Variants in TFEC observed in about 807,000 individuals in gnomAD.
TFEC encodes class E basic helix-loop-helix protein 34.
A neutral mutation model predicts 41.6 loss-of-function variants in TFEC; 31 were observed. The observed-to-expected ratio is 0.74, with a 90% CI of 0.56 to 1.01. TFEC has a LOEUF of 1.01. Among genes scored for constraint, TFEC ranks in the 50% least tolerant of loss-of-function variants. The probability of loss-of-function intolerance (pLI) is 0.00; values close to 1 mark genes in which losing one functional copy is unlikely to be tolerated. For synonymous variants in TFEC, 143 were observed against 140.6 expected, an observed-to-expected ratio of 1.02 and a Z score of -0.12; for missense variants, 402 against 404.1, an observed-to-expected ratio of 0.99 and a Z score of 0.04.
intron 3 of TFEC, among the ~76,000 whole-genome samples, chr7:116,054,634 T>G (rs1001530859): frequency 6.6e-6 from 1 of 152,140 alleles, no homozygotes; most frequent in African/African-American, 2.4e-5. Flanking sequence ...CCAGATACAT[T>G]TGAATTTCAG....
intron 1 of TFEC, among the ~76,000 whole-genome samples, chr7:116,125,820 C>T (rs1798197809): frequency 6.6e-6 from 1 of 152,156 alleles, no homozygotes; most frequent in African/African-American, 2.4e-5. Context: ...CTTGAAGTGC[C>T]TTTCAGAAGA....
chr7:115,977,701 T>A (rs1403060958), intron 2 of TFEC, among the ~76,000 whole-genome samples: 1 of 152,028 alleles, frequency 6.6e-6, no homozygotes, highest in Non-Finnish European at 1.5e-5. Flanking sequence ...TCTAGATATA[T>A]GTAGAGAGAG....
intron 1 of TFEC, among the ~76,000 whole-genome samples, chr7:116,148,828 G>C (rs1041423989): frequency 6.6e-6 from 1 of 151,792 alleles, no homozygotes; most frequent in South Asian, 2.1e-4. Flanking sequence ...GTAAATCTGC[G>C]AGTCATTCAC....
chr7:116,025,578 A>G (rs890005015), intron 1 of TFEC, among the ~76,000 whole-genome samples: 4 of 152,140 alleles, frequency 2.6e-5, no homozygotes, highest in Non-Finnish European at 4.4e-5. Flanking sequence ...TCAATGTGAA[A>G]TCTTCAGGAA....
rs184443280 is a variant in TFEC at position 116,138,424 on chromosome 7, T to C, written c.-69+21366A>G. On this transcript the variant is annotated intron_variant, in intron 1 of 8. Coordinates refer to the TFEC transcript ENST00000484212. ...ACGTCACACAGAAGCTCTGATCTCA[T>C]ATAGGCCCTTGTTAGGGAGAATCTG... Among the ~76,000 whole-genome samples, 12 of 152,304 alleles carry C rather than the reference T, an allele frequency of 7.9e-5. No individual in the cohort carries two copies. The East Asian group carries it at 2.1e-3, about 27-fold the overall frequency.
At chr7:115,947,772 T>TA (rs1334099776) in intron 6 of TFEC, among the ~76,000 whole-genome samples, 1 of 3,352 alleles carries the variant, frequency 3.0e-4, no homozygotes, top group Non-Finnish European at 1.1e-3. Context: ...GGGTTGTTTG[T>TA]TTTTTCTTGT....
chr7:115,987,186 T>A (rs1279348802), intron 1 of TFEC, among the ~76,000 whole-genome samples: 8 of 152,174 alleles, frequency 5.3e-5, no homozygotes, highest in African/African-American at 1.9e-4. Flanking sequence ...TTGGAAGCTA[T>A]CTGTACAACA....
chr7:116,105,167 T>A lies in TFEC; in HGVS notation c.198+5541A>T, dbSNP rs1002812518. Among the ~76,000 whole-genome samples, 3 of 152,192 alleles carry A rather than the reference T, an allele frequency of 2.0e-5. No homozygotes were observed. The East Asian group carries it at 5.8e-4, about 29-fold the overall frequency. ...GTTTCTAGAAGACCAAGAAATCATA[T>A]GTTTTCTCCAAAAAAAATTATAGAA... On this transcript the variant is annotated intron_variant, in intron 3 of 8. Transcript: ENST00000484212.
chr7:116,157,848 C>T (rs1245879393), intron 1 of TFEC, among the ~76,000 whole-genome samples: 2 of 152,126 alleles, frequency 1.3e-5, no homozygotes, highest in African/African-American at 4.8e-5. Context: ...TTCACTTGCA[C>T]ATCTGCTGTC....
intron 3 of TFEC, among the ~76,000 whole-genome samples, chr7:116,069,235 A>G (rs1796768691): frequency 6.6e-6 from 1 of 151,672 alleles, no homozygotes; most frequent in Non-Finnish European, 1.5e-5. Flanking sequence ...GGAGACATAA[A>G]CAATATGATG....
chr7:115,963,851 T>C (rs906051314), intron 3 of TFEC, among the ~76,000 whole-genome samples: 6 of 151,682 alleles, frequency 4.0e-5, no homozygotes, highest in Non-Finnish European at 8.9e-5. Flanking sequence ...GTGATGGTTA[T>C]ACATTATGAA....
At chr7:116,002,619 G>C (rs1391074070) in intron 1 of TFEC, among the ~76,000 whole-genome samples, 1 of 151,828 alleles carries the variant, frequency 6.6e-6, no homozygotes, top group Non-Finnish European at 1.5e-5. Context: ...GGCACAACAG[G>C]GTGACTATGG....
At chr7:116,060,209 C>CA (rs1209827670) in intron 3 of TFEC, among the ~76,000 whole-genome samples, 26 of 151,728 alleles carry the variant, frequency 1.7e-4, no homozygotes, top group Admixed American at 1.7e-3. Context: ...GTACTAAAGT[C>CA]AAAAAAATAA....
intron 3 of TFEC, among the ~76,000 whole-genome samples, chr7:115,972,757 A>G (rs535338646): frequency 9.2e-5 from 14 of 152,202 alleles, no homozygotes; most frequent in Non-Finnish European, 1.6e-4. Context: ...CATATTCCCA[A>G]TGAAATTCAT....
At chr7:116,115,431 C>T (rs1797966130) in intron 1 of TFEC, among the ~76,000 whole-genome samples, 1 of 151,912 alleles carries the variant, frequency 6.6e-6, no homozygotes, top group Non-Finnish European at 1.5e-5. Flanking sequence ...AATCCACTTT[C>T]CTGCTTTTTT....
chr7:116,033,093 C>T (rs959567034), upstream of TFEC, among the ~76,000 whole-genome samples: 2 of 150,704 alleles, frequency 1.3e-5, no homozygotes, highest in South Asian at 2.1e-4. Context: ...TAATTAATCA[C>T]GTGACAAAGA....
At chr7:115,995,184 C>G (rs1345715674) in intron 1 of TFEC, among the ~76,000 whole-genome samples, 1 of 109,896 alleles carries the variant, frequency 9.1e-6, no homozygotes. Context: ...ACATCACACA[C>G]TGGGGCCTGT....
At chr7:116,108,610 C>G (rs1584526476) in intron 3 of TFEC, among the ~76,000 whole-genome samples, 1 of 152,220 alleles carries the variant, frequency 6.6e-6, no homozygotes, top group African/African-American at 2.4e-5. Context: ...GAGCATGAGA[C>G]TTGGGTTCCA....
intron 1 of TFEC, among the ~76,000 whole-genome samples, chr7:116,137,806 T>A (rs760031034): frequency 3.3e-4 from 50 of 152,110 alleles, no homozygotes; most frequent in Non-Finnish European, 5.9e-4. Context: ...ACCTAAGACA[T>A]TTTTATTGAT....
Sources: gnomAD v4.1 joint callset for allele counts (sites outside exome capture counted in the v4.1 genomes callset) on GRCh38, gnomAD v4.1.1 for gene constraint, MANE v1.5 for transcripts, NCBI Gene and HGNC (gene_info 2026-07-23, HGNC 2026-07-21) for gene names.